The following SGO1 variants were observed in gnomAD, a reference collection of about 807,000 sequenced individuals.
The protein encoded by SGO1 is shugoshin 1.
A neutral mutation model predicts 50.5 loss-of-function variants in SGO1; 39 were observed. The ratio of observed to expected loss-of-function variants is 0.77; its 90% CI spans 0.60 to 1.01. The LOEUF (loss-of-function observed/expected upper bound fraction) is 1.01, where lower values mean the gene tolerates loss of function less well. Among genes scored for constraint, SGO1 ranks in the 50% least tolerant of loss-of-function variants. The probability of loss-of-function intolerance (pLI) is 0.00; values close to 1 mark genes in which losing one functional copy is unlikely to be tolerated. For missense variants in SGO1, 638 were observed against 606.0 expected (o/e 1.05, Z -0.55); for synonymous variants, 191 against 205.1 (o/e 0.93, Z 0.59).
chr3:20,169,286 G>C (rs530809080), downstream of SGO1: 217 of 985,084 alleles, frequency 2.2e-4, no homozygotes, highest in Non-Finnish European at 2.6e-4. Flanking sequence ...GAAGTGTTAG[G>C]TTGAAAGTAT....
rs766317732 is a variant in SGO1, at chr3:20,161,200, C to A, written c.1591G>T (p.Glu531Ter). 1.4e-5 allele frequency: 22 copies of A among 1,607,312 alleles called. No individual in the cohort carries two copies. The highest frequency in any genetic ancestry group is 8.1e-5 in the African/African-American group (6 of 74,342). The change falls in exon 9 of 9, where the codon GAA (glutamate) becomes TAA (stop). Residue 531 changes from glutamate to a stop codon, truncating the protein, a stop_gained. Coordinates refer to the SGO1 transcript ENST00000263753. LOFTEE classifies it high-confidence loss of function. ...ACATAATATAAAATAAAAATTGCTT[C>A]TTTGGCAGGTGATACCTCCAGGGCT...
chr3:20,183,919 T>C lies in SGO1; in HGVS notation c.109A>G (p.Arg37Gly). Reference protein sequence around the residue: ...NKNLAEIGKRRSFIAAPCQII... With the variant: ...NKNLAEIGKRGSFIAAPCQII... ...TGGCATGGTGCAGCTATAAAAGACC[T>C]GCGTTTGCCAATCTCTGCCAAGTTT... The change falls in exon 2 of 8, where the codon AGG (arginine) becomes GGG (glycine). Residue 37 changes from arginine (R) to glycine (G), a missense_variant. Physicochemically the swap from Arg to Gly is moderately radical, Grantham distance 125. Coordinates refer to ENST00000412997, the MANE Select transcript of SGO1 (RefSeq NM_001199251.3). 1.2e-6 allele frequency: 2 copies of C among 1,612,660 alleles called. No individual in the cohort carries two copies.
chr3:20,172,642 G>A (rs1038038568), intron 6 of SGO1, among the ~76,000 whole-genome samples: 26 of 151,544 alleles, frequency 1.7e-4, no homozygotes, highest in African/African-American at 5.6e-4. Flanking sequence ...GTTTAAAAAC[G>A]TATTTTTTAT....
In SGO1 at chr3:20,174,535, A is replaced by T. The variant is rs1701144350; in HGVS notation, c.996T>A (p.Asn332Lys). 6.2e-7 allele frequency: 1 copy of T among 1,613,586 alleles called. No individual in the cohort carries two copies. The highest frequency in any genetic ancestry group is 1.3e-5 in the African/African-American group (1 of 74,886). Residue 332 changes from asparagine to lysine, a missense_variant, in exon 6 of 8, where the codon AAT becomes AAA. By Grantham distance (94) the Asn-to-Lys change is moderately conservative (BLOSUM62 0). Transcript: ENST00000412997. The stretch of plus-strand genomic sequence containing the variant: ...CTTCCAAATTAAAATTGTAAGCATC[A>T]TTGGAACTGACAGATTTGTGCATTT... ...QKKMHKSVSS[N>K]DAYNFNLEEG...
chr3:20,174,506 C>A lies in SGO1; in HGVS notation c.1025G>T (p.Gly342Val), dbSNP rs1256070940. 1 of 1,614,082 alleles carries A rather than the reference C, an allele frequency of 6.2e-7. No individual in the cohort carries two copies. The change falls in exon 6 of 8, where the codon GGT becomes GTT. Residue 342 changes from glycine to valine, a missense_variant. Coordinates refer to ENST00000412997, the MANE Select transcript of SGO1 (RefSeq NM_001199251.3). The stretch of plus-strand genomic sequence containing the variant: ...TTGTCGGAAAGGAGTAAGATGAACA[C>A]CCTCTTCCAAATTAAAATTGTAAGC... ...NDAYNFNLEE[G>V]VHLTPFRQKV...
At chr3:20,182,581 C>T (rs1362931559) in intron 3 of SGO1, among the ~76,000 whole-genome samples, 1 of 152,084 alleles carries the variant, frequency 6.6e-6, no homozygotes, top group African/African-American at 2.4e-5. Context: ...TAATGATACA[C>T]ATTACTGTGT....
downstream of SGO1, among the ~76,000 whole-genome samples, chr3:20,166,842 CAAAAAAAAAAA>C (rs58288144): frequency 4.7e-5 from 2 of 42,736 alleles, no homozygotes; most frequent in Admixed American, 3.3e-4. Flanking sequence ...CCATCTCTAC[CAAAAAAAAAAA>C]AAAAAAAAAA....
intron 8 of SGO1, among the ~76,000 whole-genome samples, chr3:20,162,612 G>A (rs912761683): frequency 5.3e-5 from 8 of 151,860 alleles, no homozygotes; most frequent in African/African-American, 1.5e-4. Context: ...TATAATAATC[G>A]ACTAAAAGAA....
rs937312527 is a variant in SGO1 at position 20,169,507 on chromosome 3, C to T, written c.*1197G>A. On this transcript the variant is annotated 3_prime_UTR_variant, in exon 8 of 8. Transcript: ENST00000412997. ...ACTATCTTATACAAACTTTATTGCT[C>T]TTTAAAAATGAATAACCTACAAAGT... 1 of 980,630 alleles carries T rather than the reference C, an allele frequency of 1.0e-6. No individual in the cohort carries two copies. The highest frequency in any genetic ancestry group is 1.2e-6 in the Non-Finnish European group (1 of 825,560). The allele number at this position is 980,630 out of a possible 1,614,324, so 60.7% of individuals were successfully genotyped here. A position where few individuals can be genotyped will look rare whatever the true frequency, so the allele number is the denominator to read the frequency against.
intron 3 of SGO1, among the ~76,000 whole-genome samples, chr3:20,178,966 G>A (rs947996322): frequency 2.0e-5 from 3 of 152,154 alleles, no homozygotes; most frequent in Non-Finnish European, 4.4e-5. Flanking sequence ...GAAAGAGGCC[G>A]GGGGTAGAAA....
At position 20,170,740 on chromosome 3, in the gene SGO1, C is replaced by T. The variant is rs1024338614; in HGVS notation, c.1548G>A (p.Leu516=). 4.4e-6 allele frequency: 7 copies of T among 1,592,000 alleles called. No individual in the cohort carries two copies. Among genetic ancestry groups the T allele is most frequent in the Admixed American group, 1.9e-5 (1 of 51,942 alleles). ...NSPIFKQKKD[L]RRSKKSMKQI... ...GTTTCATACTTTTTTTAGAACGTCT[C>T]AAATCCTTTTTCTGCTTGAAAATAG... The change falls in exon 8 of 8, where the codon TTG becomes TTA. Residue 516 remains leucine, a synonymous_variant. Coordinates refer to ENST00000412997, the MANE Select transcript of SGO1 (RefSeq NM_001199251.3).
intron 6 of SGO1, 67 bp downstream of exon 6, chr3:20,174,182 T>C: frequency 8.2e-7 from 1 of 1,214,498 alleles, no homozygotes; most frequent in Non-Finnish European, 1.2e-6. Flanking sequence ...AAGTATAGTA[T>C]ATAAGCATCA....
chr3:20,178,101 A>G (rs1290740928), intron 4 of SGO1, among the ~76,000 whole-genome samples, 170 bp downstream of exon 4: 1 of 152,216 alleles, frequency 6.6e-6, no homozygotes, highest in Admixed American at 6.5e-5. Context: ...TAGCTTGGCT[A>G]TATGTAATAG....
intron 1 of SGO1, among the ~76,000 whole-genome samples, chr3:20,184,935 A>AG (rs1448520506): frequency 2.6e-5 from 4 of 152,076 alleles, no homozygotes; most frequent in African/African-American, 4.8e-5. Flanking sequence ...GCAAAAAAAA[A>AG]AGACTTGTTT....
chr3:20,166,560 G>A (rs753895389), downstream of SGO1, among the ~76,000 whole-genome samples: 1 of 152,096 alleles, frequency 6.6e-6, no homozygotes, highest in Non-Finnish European at 1.5e-5. Context: ...AAAAGTAGTG[G>A]TTACCAGAGG....
intron 1 of SGO1, among the ~76,000 whole-genome samples, chr3:20,185,675 C>A (rs559711873): frequency 6.6e-6 from 1 of 152,330 alleles, no homozygotes; most frequent in Non-Finnish European, 1.5e-5. Context: ...GCACAAAGAA[C>A]TGCTGTCAAT....
In SGO1 at chr3:20,171,027, C is replaced by A; in HGVS notation, c.1472+16G>T. The A allele has an allele frequency of 6.4e-7, 1 of 1,565,254 alleles. No individual in the cohort carries two copies. The highest frequency in any genetic ancestry group is 8.6e-7 in the Non-Finnish European group (1 of 1,163,550). On this transcript the variant is annotated intron_variant, in intron 7 of 7. Transcript: ENST00000412997. ...ATGTATCATTAAAAATAAGTTCCCA[C>A]AAACCAAATACTTACGAAGCGAGGG...
Position 20,174,396 on chromosome 3 carries a change from C to T in SGO1, c.1135G>A (p.Asp379Asn), listed in dbSNP as rs770048758. The change falls in exon 6 of 8, where the codon GAT (aspartate) becomes AAT (asparagine). Residue 379 changes from aspartate to asparagine, a missense_variant. Transcript: ENST00000412997. ...TTGCAAGTGGGCAAATAGAGGTCAT[C>T]GGAATCATCTCCTGAACCACTTGAT... ...CESSGSGDDS[D>N]DLYLPTCKYI... The T allele has an allele frequency of 1.5e-5, 25 of 1,614,010 alleles. No homozygotes were observed. Among genetic ancestry groups the T allele is most frequent in the Non-Finnish European group, 1.9e-5 (22 of 1,180,032 alleles).
chr3:20,162,124 AGC>A (rs1260530824), intron 8 of SGO1, among the ~76,000 whole-genome samples: 1 of 152,212 alleles, frequency 6.6e-6, no homozygotes, highest in Non-Finnish European at 1.5e-5. Flanking sequence ...GACGGGAAAG[AGC>A]TATGCAGAGA....
Sources: allele counts gnomAD v4.1 joint callset (sites outside exome capture counted in the v4.1 genomes callset), GRCh38; gene constraint gnomAD v4.1.1; transcripts MANE v1.5; gene names NCBI Gene and HGNC (gene_info 2026-07-23, HGNC 2026-07-21).